Variants in FERRY3 observed in about 807,000 individuals in gnomAD.
FERRY3 encodes the protein FERRY endosomal RAB5 effector complex subunit 3.
At chr12:4,533,676 C>A in the FERRY3 span, among the ~76,000 whole-genome samples, 1 of 152,076 alleles carries the variant, frequency 6.6e-6, no homozygotes. Flanking sequence ...GACTACACAA[C>A]AATAATGAAG....
At chr12:4,504,606 A>G in the FERRY3 span, among the ~76,000 whole-genome samples, 1 of 152,250 alleles carries the variant, frequency 6.6e-6, no homozygotes, top group African/African-American at 2.4e-5. Flanking sequence ...TACTGTTCAT[A>G]TATCACTTGA....
At chr12:4,488,607 T>C in the FERRY3 span, 2 of 152,230 alleles carry the variant, frequency 1.3e-5, no homozygotes, top group African/African-American at 4.8e-5. The surrounding 1 kb of genome is among the most constrained non-coding windows in gnomAD (Gnocchi z 4.9). Context: ...CATTCTGTTA[T>C]AGGAAAGCAC....
the FERRY3 span, chr12:4,525,033 AAAACTAAAGTTCTATTTC>A: frequency 8.5e-6 from 4 of 472,188 alleles, no homozygotes; most frequent in Non-Finnish European, 1.5e-5. Flanking sequence ...TCTAGAACAT[AAAACTAAAGTTCTATTTC>A]AAACTAACCA....
the FERRY3 span, among the ~76,000 whole-genome samples, chr12:4,492,164 TAATA>T: frequency 1.4e-4 from 22 of 152,074 alleles, no homozygotes; most frequent in African/African-American, 4.6e-4. Context: ...AATTTAAAAA[TAATA>T]AACCCATTCA....
At chr12:4,498,200 G>C in the FERRY3 span, among the ~76,000 whole-genome samples, 1 of 152,174 alleles carries the variant, frequency 6.6e-6, no homozygotes, top group Admixed American at 6.5e-5. Flanking sequence ...GTGACTTTTG[G>C]AAACACTGTT....
the FERRY3 span, among the ~76,000 whole-genome samples, chr12:4,491,409 T>C: frequency 4.6e-5 from 7 of 152,184 alleles, no homozygotes; most frequent in Admixed American, 4.6e-4. Flanking sequence ...TTCCAGCTGT[T>C]AGACTATACT....
the FERRY3 span, among the ~76,000 whole-genome samples, chr12:4,506,728 A>T: frequency 6.6e-6 from 1 of 152,210 alleles, no homozygotes; most frequent in Non-Finnish European, 1.5e-5. Flanking sequence ...TATTTTTTTT[A>T]AATGTATATA....
At chr12:4,503,959 C>T in the FERRY3 span, among the ~76,000 whole-genome samples, 2 of 152,082 alleles carry the variant, frequency 1.3e-5, no homozygotes, top group Non-Finnish European at 2.9e-5. Context: ...AATTGTGGAT[C>T]CATGAAGAGA....
chr12:4,512,505 A>G, the FERRY3 span, among the ~76,000 whole-genome samples: 242 of 152,206 alleles, frequency 1.6e-3, no homozygotes, highest in East Asian at 0.012. Context: ...AATACTGGCA[A>G]AACGAATCCA....
chr12:4,533,945 C>T, the FERRY3 span: 6 of 400,970 alleles, frequency 1.5e-5, no homozygotes, highest in Non-Finnish European at 2.1e-5. Flanking sequence ...TGCAAGTAGC[C>T]TCTTGTTTTA....
At chr12:4,534,647 C>T in the FERRY3 span, among the ~76,000 whole-genome samples, 1 of 152,152 alleles carries the variant, frequency 6.6e-6, no homozygotes, top group Non-Finnish European at 1.5e-5. Flanking sequence ...AAGTGATTCA[C>T]CTGCCTTAGC....
chr12:4,496,234 G>T, the FERRY3 span, among the ~76,000 whole-genome samples: 1 of 152,140 alleles, frequency 6.6e-6, no homozygotes, highest in Non-Finnish European at 1.5e-5. Flanking sequence ...TGGGTACTTA[G>T]AAAAAGTAAA....
the FERRY3 span, chr12:4,517,331 A>G: frequency 1.0e-6 from 1 of 973,900 alleles, no homozygotes; most frequent in East Asian, 3.2e-5. Flanking sequence ...TTAAATAATT[A>G]TGCCTTAAGT....
At chr12:4,535,002 TAACTTTAA>T in the FERRY3 span, among the ~76,000 whole-genome samples, 1 of 152,224 alleles carries the variant, frequency 6.6e-6, no homozygotes, top group Non-Finnish European at 1.5e-5. The surrounding 1 kb of genome is among the most constrained non-coding windows in gnomAD (Gnocchi z 4.0). Flanking sequence ...GTTTTCCATG[TAACTTTAA>T]AGGGTACATT....
chr12:4,523,773 C>T, the FERRY3 span, among the ~76,000 whole-genome samples: 1 of 152,046 alleles, frequency 6.6e-6, no homozygotes, highest in Non-Finnish European at 1.5e-5. Flanking sequence ...AACACTTGGA[C>T]ACAGGGCGGG....
the FERRY3 span, among the ~76,000 whole-genome samples, chr12:4,495,371 G>A: frequency 6.6e-6 from 1 of 152,056 alleles, no homozygotes; most frequent in Non-Finnish European, 1.5e-5. Flanking sequence ...CTGTTTTAAT[G>A]AAGCACTCAT....
chr12:4,528,612 A>T, the FERRY3 span, among the ~76,000 whole-genome samples: 4 of 152,182 alleles, frequency 2.6e-5, no homozygotes, highest in Non-Finnish European at 5.9e-5. Context: ...ACAAAGTATG[A>T]GAATAAGTGG....
the FERRY3 span, among the ~76,000 whole-genome samples, chr12:4,500,645 AAATT>A: frequency 3.2e-4 from 48 of 152,112 alleles, no homozygotes; most frequent in Non-Finnish European, 4.9e-4. Flanking sequence ...CCAAGATGTC[AAATT>A]AATTAATTAA....
chr12:4,521,618 A>C, the FERRY3 span, among the ~76,000 whole-genome samples: 1 of 152,238 alleles, frequency 6.6e-6, no homozygotes, highest in Non-Finnish European at 1.5e-5. Flanking sequence ...ACATCGTATC[A>C]GACCGATGAC....
Sources: gnomAD v4.1 joint callset for allele counts (sites outside exome capture counted in the v4.1 genomes callset) on GRCh38, gnomAD v4.1.1 for gene constraint, Gnocchi (gnomAD v3.1) non-coding constraint, MANE v1.5 for transcripts, NCBI Gene and HGNC (gene_info 2026-07-23, HGNC 2026-07-21) for gene names.